The following ITGAE variants were observed in gnomAD, a reference collection of about 807,000 sequenced individuals.
ITGAE encodes the protein integrin alpha-E.
In ITGAE, 99 loss-of-function variants were observed where a neutral mutation model predicts 136.5. That is an observed-to-expected ratio of 0.73 (90% CI 0.62 to 0.86). The LOEUF (loss-of-function observed/expected upper bound fraction) is 0.86, where lower values mean the gene tolerates loss of function less well. Among genes scored for constraint, ITGAE ranks in the 40% least tolerant of loss-of-function variants. The pLI is 0.00. For missense variants in ITGAE, 1,447 were observed against 1,515.3 expected, an observed-to-expected ratio of 0.95 and a Z score of 0.75; for synonymous variants, 613 against 591.8, an observed-to-expected ratio of 1.04 and a Z score of -0.52.
chr17:3,761,058 C>T lies in ITGAE; in HGVS notation c.553G>A (p.Glu185Lys). 2 of 1,609,120 alleles carry T rather than the reference C, an allele frequency of 1.2e-6. No individual in the cohort carries two copies. Among genetic ancestry groups the T allele is most frequent in the Non-Finnish European group, 1.7e-6 (2 of 1,179,968 alleles). ...RQRRALEKEE[E>K]EDKEEEEDEE... ...TCTTCCTCCTCCTCCTTGTCTTCCT[C>T]CTCCTCCTTCTCCAGAGCCCGGCGC... The change falls in exon 6 of 31, where the codon GAG becomes AAG. Residue 185 changes from glutamate to lysine, a missense_variant. Physicochemically the swap from Glu to Lys is moderately conservative, Grantham distance 56. Coordinates refer to ENST00000263087, the MANE Select transcript of ITGAE (RefSeq NM_002208.5).
At chr17:3,789,231 A>G (rs1464046809) in intron 1 of ITGAE, among the ~76,000 whole-genome samples, 1 of 152,152 alleles carries the variant, frequency 6.6e-6, no homozygotes, top group African/African-American at 2.4e-5. Context: ...TGAGTGACAA[A>G]GCAAGACTGT....
chr17:3,746,306 G>A (rs955410804), intron 17 of ITGAE, among the ~76,000 whole-genome samples: 2 of 152,002 alleles, frequency 1.3e-5, no homozygotes, highest in Admixed American at 1.3e-4. Context: ...CGGCACAGCT[G>A]GAAGCACCGT....
chr17:3,723,802 C>T, intron 26 of ITGAE, 58 bp from the exon 27 acceptor site: 13 of 1,589,116 alleles, frequency 8.2e-6, no homozygotes, highest in Non-Finnish European at 1.1e-5. Context: ...AGTTTTCCGT[C>T]CCGTCCCGGC....
rs952627962 is a variant in ITGAE at position 3,796,148 on chromosome 17, C to T, written c.34+4963G>A. ...GTGTGTGCATCCATGTGTGTGCATC[C>T]GTGTGTGTGTGTGTGTGCATCCGTG... On this transcript the variant is annotated intron_variant, in intron 1 of 30. Coordinates refer to ENST00000263087, the MANE Select transcript of ITGAE (RefSeq NM_002208.5). Among the ~76,000 whole-genome samples, 196 of 130,390 alleles carry T rather than the reference C, an allele frequency of 1.5e-3. 6 individuals carry two copies. In the Middle Eastern group the frequency reaches 0.017, roughly 11 times the overall value. The allele number at this position is 130,390 out of a possible 152,430, so 85.5% of individuals were successfully genotyped here.
At chr17:3,747,226 GAC>G (rs1434878961) in intron 17 of ITGAE, among the ~76,000 whole-genome samples, 1 of 152,224 alleles carries the variant, frequency 6.6e-6, no homozygotes, top group Non-Finnish European at 1.5e-5. Context: ...AAGGGGAGAA[GAC>G]ACAAGTCAGA....
intron 2 of ITGAE, among the ~76,000 whole-genome samples, chr17:3,777,172 A>G (rs1446482253): frequency 1.3e-5 from 2 of 151,756 alleles, no homozygotes; most frequent in African/African-American, 4.8e-5. Flanking sequence ...CGTGTTAGCC[A>G]GGATGGTCTC....
At position 3,801,182 on chromosome 17, in the gene ITGAE, C is replaced by T. The variant is rs375802935; in HGVS notation, c.-38G>A. On this transcript the variant is annotated 5_prime_UTR_variant, in exon 1 of 31. Coordinates refer to ENST00000263087, the MANE Select transcript of ITGAE (RefSeq NM_002208.5). ...AGAGGCGGCTGTGTGGGAGCCGAGG[C>T]GAGTGCGACACATGGGCCGTGGCCC... The T allele has an allele frequency of 9.3e-6, 15 of 1,606,470 alleles. No individual in the cohort carries two copies. Among genetic ancestry groups the T allele is most frequent in the Admixed American group, 5.0e-5 (3 of 60,016 alleles).
Position 3,714,708 on chromosome 17 carries a change from C to T in ITGAE, c.*139G>A. On this transcript the variant is annotated 3_prime_UTR_variant, in exon 31 of 31. Coordinates refer to ENST00000263087, the MANE Select transcript of ITGAE (RefSeq NM_002208.5). Reference sequence around the variant, plus strand: ...GCACAATGCACAGACACTTTTGGGACAATGTATGGTTAAAAACTAATATTC... The same window carrying T: ...GCACAATGCACAGACACTTTTGGGATAATGTATGGTTAAAAACTAATATTC... 1.8e-6 allele frequency: 1 copy of T among 544,716 alleles called. No homozygotes were observed. Among genetic ancestry groups the T allele is most frequent in the Admixed American group, 3.6e-5 (1 of 27,892 alleles). 33.7% of individuals were successfully genotyped at this position (544,716 alleles called of 1,614,324 possible). A position where few individuals can be genotyped will look rare whatever the true frequency, so the allele number is the denominator to read the frequency against.
chr17:3,796,249 G>A (rs139532849), intron 1 of ITGAE, among the ~76,000 whole-genome samples: 26 of 151,832 alleles, frequency 1.7e-4, no homozygotes, highest in South Asian at 4.2e-4. Context: ...TGGTGCCCAG[G>A]TCTGCCAGGC....
At chr17:3,780,949 C>T (rs926455278) in intron 1 of ITGAE, among the ~76,000 whole-genome samples, 8 of 152,160 alleles carry the variant, frequency 5.3e-5, no homozygotes, top group Non-Finnish European at 1.2e-4. Flanking sequence ...AGTAATCCTG[C>T]CATCTCAGCC....
At chr17:3,747,870 A>C in intron 17 of ITGAE, 52 bp downstream of exon 17, 1 of 1,134,136 alleles carries the variant, frequency 8.8e-7, no homozygotes, top group Non-Finnish European at 1.2e-6. Context: ...TACAGAAGCC[A>C]AAAAGGAAAG....
At chr17:3,790,519 C>T (rs1290797298) in intron 1 of ITGAE, among the ~76,000 whole-genome samples, 1 of 151,756 alleles carries the variant, frequency 6.6e-6, no homozygotes, top group African/African-American at 2.4e-5. Flanking sequence ...CAAACACACA[C>T]ACACACACAC....
At chr17:3,728,396 T>A in intron 24 of ITGAE, 1 of 357,046 alleles carries the variant, frequency 2.8e-6, no homozygotes, top group South Asian at 2.7e-5. Context: ...TTTTTTGAGG[T>A]GGAGTCTTGC....
At chr17:3,720,810 T>C (rs902186478) in intron 28 of ITGAE, among the ~76,000 whole-genome samples, 2 of 152,190 alleles carry the variant, frequency 1.3e-5, no homozygotes, top group African/African-American at 4.8e-5. Context: ...CTCGAACTCC[T>C]GACCTCAGAT....
At chr17:3,786,569 T>C (rs1047723783) in intron 1 of ITGAE, among the ~76,000 whole-genome samples, 2 of 152,018 alleles carry the variant, frequency 1.3e-5, no homozygotes, top group Non-Finnish European at 2.9e-5. Flanking sequence ...TGCACAAAAT[T>C]CCAGTAAATC....
At chr17:3,725,388 C>T in intron 26 of ITGAE, 1 of 1,614,206 alleles carries the variant, frequency 6.2e-7, no homozygotes, top group Non-Finnish European at 8.5e-7. Context: ...AGAAAAACTG[C>T]AACGCTGTGA....
In ITGAE at chr17:3,716,847, G is replaced by GA. The variant is rs146193411; in HGVS notation, c.3334-50dup. 8,210 of 1,011,436 alleles carry GA rather than the reference G, an allele frequency of 8.1e-3. 81 individuals carry two copies. Among genetic ancestry groups the GA allele is most frequent in the African/African-American group, 0.016 (972 of 62,466 alleles). 62.7% of individuals were successfully genotyped at this position (1,011,436 alleles called of 1,614,324 possible). A position where few individuals can be genotyped will look rare whatever the true frequency, so the allele number is the denominator to read the frequency against. On this transcript the variant is annotated intron_variant, in intron 29 of 30. Transcript: ENST00000263087. ...CAATAAATCAGGTGAAGCAAACAAG[G>GA]AAAAAATCCTACATGTTATTTTAAG...
chr17:3,777,212 C>T (rs1442336202), intron 2 of ITGAE, among the ~76,000 whole-genome samples: 1 of 152,124 alleles, frequency 6.6e-6, no homozygotes, highest in Admixed American at 6.6e-5. Context: ...CCGCCCGCCT[C>T]GGCCTCCCAA....
intron 3 of ITGAE, among the ~76,000 whole-genome samples, chr17:3,763,208 A>G (rs1490605355): frequency 1.3e-5 from 2 of 151,966 alleles, no homozygotes; most frequent in Non-Finnish European, 2.9e-5. Flanking sequence ...CAAGACAAGG[A>G]TTCTATTTAT....
Sources: allele counts gnomAD v4.1 joint callset (sites outside exome capture counted in the v4.1 genomes callset), GRCh38; gene constraint gnomAD v4.1.1; transcripts MANE v1.5; gene names NCBI Gene and HGNC (gene_info 2026-07-23, HGNC 2026-07-21).